Variants in CXADR observed in about 807,000 individuals in gnomAD.
CXADR encodes the protein coxsackievirus and adenovirus receptor.
A neutral mutation model predicts 40.3 loss-of-function variants in CXADR; 20 were observed. That is an observed-to-expected ratio of 0.50 (90% confidence interval 0.35 to 0.72). The LOEUF (loss-of-function observed/expected upper bound fraction) is 0.72, where lower values mean the gene tolerates loss of function less well. Ranked by LOEUF, CXADR falls within the 30% of genes least tolerant of loss-of-function variation. The pLI is 0.01. For synonymous variants in CXADR, 150 were observed against 161.3 expected, an observed-to-expected ratio of 0.93 and a Z score of 0.53; for missense variants, 332 against 449.1, an observed-to-expected ratio of 0.74 and a Z score of 2.36.
chr21:17,595,853 A>C (rs746318712), downstream of CXADR, among the ~76,000 whole-genome samples: 2 of 152,060 alleles, frequency 1.3e-5, no homozygotes, highest in Non-Finnish European at 2.9e-5. Flanking sequence ...TTAACGTTAA[A>C]AAGTTCCAGT....
intron 1 of CXADR, among the ~76,000 whole-genome samples, chr21:17,546,392 TAAAGA>T (rs1157614079): frequency 6.6e-6 from 1 of 152,146 alleles, no homozygotes; most frequent in African/African-American, 2.4e-5. Flanking sequence ...GGGTAATTTA[TAAAGA>T]AAAGAGGTTT....
the CXADR span, among the ~76,000 whole-genome samples, chr21:17,619,012 TA>T: frequency 2.0e-5 from 3 of 152,056 alleles, no homozygotes; most frequent in East Asian, 3.9e-4. Context: ...TTAAGAGGAA[TA>T]TTTTTTTCTG....
rs73324066 is a variant in CXADR, at chr21:17,520,041, C to A, written c.43+6869C>A. ...TATATATATAAAATATATATTTGCACCTCAACCCACCTCTGCTTTGGATCC... is the reference window on the plus strand; with the variant it reads ...TATATATATAAAATATATATTTGCAACTCAACCCACCTCTGCTTTGGATCC... On this transcript the variant is annotated intron_variant, in intron 1 of 6. Coordinates refer to ENST00000284878, the MANE Select transcript of CXADR (RefSeq NM_001338.5). Among the ~76,000 whole-genome samples, 516 of 152,026 alleles carry A rather than the reference C, an allele frequency of 3.4e-3. 4 individuals carry two copies. The highest frequency in any genetic ancestry group is 0.012 in the African/African-American group (498 of 41,464).
At chr21:17,636,148 A>G in the CXADR span, among the ~76,000 whole-genome samples, 15 of 152,202 alleles carry the variant, frequency 9.9e-5, no homozygotes, top group African/African-American at 3.6e-4. Flanking sequence ...GTACCCTGCC[A>G]CTGAACTAAA....
At chr21:17,552,240 C>T (rs945757017) in intron 3 of CXADR, among the ~76,000 whole-genome samples, 14 of 152,106 alleles carry the variant, frequency 9.2e-5, no homozygotes, top group South Asian at 6.2e-4. Context: ...GTTAGGAGAT[C>T]TAGGGTTTTT....
the CXADR span, among the ~76,000 whole-genome samples, chr21:17,636,260 G>A: frequency 6.6e-6 from 1 of 152,084 alleles, no homozygotes; most frequent in African/African-American, 2.4e-5. Flanking sequence ...TCCCTTTCCA[G>A]TCTATTTGCT....
intron 7 of CXADR, among the ~76,000 whole-genome samples, chr21:17,578,709 G>T (rs1262861028): frequency 1.3e-5 from 2 of 152,122 alleles, no homozygotes; most frequent in Non-Finnish European, 2.9e-5. Context: ...CGTGCCTGTT[G>T]TCCCAGCTAC....
At chr21:17,534,096 ATATATTTT>A (rs2060719355) in intron 1 of CXADR, among the ~76,000 whole-genome samples, 3 of 91,924 alleles carry the variant, frequency 3.3e-5, no homozygotes. Flanking sequence ...ATATATATAT[ATATATTTT>A]TTTTTTTTTT....
intron 1 of CXADR, among the ~76,000 whole-genome samples, chr21:17,515,774 C>T (rs1186572151): frequency 6.6e-6 from 1 of 152,196 alleles, no homozygotes; most frequent in East Asian, 1.9e-4. Context: ...CCACTGCATT[C>T]CAGCCTGGGC....
rs1165118448 is a variant in CXADR, at chr21:17,565,798, AAAT to A, written c.*109_*111del. On this transcript the variant is annotated 3_prime_UTR_variant, in exon 7 of 7. Coordinates refer to ENST00000284878, the MANE Select transcript of CXADR (RefSeq NM_001338.5). The stretch of plus-strand genomic sequence containing the variant: ...GTTACTAGCCTCAAAATACATCAAA[AAAT>A]AAGTTAATCAGGAACTGTACGGAAT... 6.8e-7 allele frequency: 1 copy of A among 1,467,552 alleles called. No individual in the cohort carries two copies. The highest frequency in any genetic ancestry group is 2.4e-5 in the East Asian group (1 of 42,332). The allele number at this position is 1,467,552 out of a possible 1,614,324, so 90.9% of individuals were successfully genotyped here. A position where few individuals can be genotyped will look rare whatever the true frequency, so the allele number is the denominator to read the frequency against.
intron 3 of CXADR, among the ~76,000 whole-genome samples, chr21:17,552,790 T>TA (rs2060985996): frequency 6.6e-6 from 1 of 152,174 alleles, no homozygotes; most frequent in African/African-American, 2.4e-5. Context: ...TAGAATTGTC[T>TA]AGCATGACTG....
At chr21:17,594,084 A>G (rs1257409622), downstream of CXADR, 6 of 1,611,374 alleles carry the variant, frequency 3.7e-6, no homozygotes, top group Admixed American at 6.7e-5. Flanking sequence ...AACACAATCA[A>G]AAACGAAGTT....
chr21:17,517,660 T>C (rs1345464054), intron 1 of CXADR, among the ~76,000 whole-genome samples: 1 of 151,930 alleles, frequency 6.6e-6, no homozygotes, highest in Non-Finnish European at 1.5e-5. Flanking sequence ...TACCAAACTG[T>C]AAAATCGGGG....
At chr21:17,561,212 A>G (rs957615152) in intron 5 of CXADR, 126 bp from the exon 6 acceptor site, 24 of 593,770 alleles carry the variant, frequency 4.0e-5, no homozygotes, top group Non-Finnish European at 5.4e-5. Context: ...CCCGGATCAA[A>G]AAGACTAAAT....
intron 7 of CXADR, among the ~76,000 whole-genome samples, chr21:17,586,298 T>C (rs1267570413): frequency 2.0e-5 from 3 of 151,084 alleles, no homozygotes; most frequent in South Asian, 2.1e-4. Flanking sequence ...TTTGTGAAAA[T>C]TTAAAATTTT....
chr21:17,570,332 G>T (rs1220174386), downstream of CXADR, among the ~76,000 whole-genome samples: 1 of 151,988 alleles, frequency 6.6e-6, no homozygotes. Context: ...ATACTATTTG[G>T]GGTTGAAACC....
At chr21:17,527,915 C>G (rs987663651) in intron 1 of CXADR, among the ~76,000 whole-genome samples, 9 of 151,804 alleles carry the variant, frequency 5.9e-5, no homozygotes, top group Non-Finnish European at 5.9e-5. Context: ...ACATTCACCC[C>G]CTGCCCCAGC....
chr21:17,592,974 A>G (rs1423491930), intron 7 of CXADR, among the ~76,000 whole-genome samples: 2 of 151,712 alleles, frequency 1.3e-5, no homozygotes, highest in African/African-American at 4.8e-5. Context: ...TGGAATAGCC[A>G]TGGCCATTCA....
At chr21:17,533,596 G>T (rs1293739902) in intron 1 of CXADR, among the ~76,000 whole-genome samples, 1 of 152,114 alleles carries the variant, frequency 6.6e-6, no homozygotes, top group African/African-American at 2.4e-5. Context: ...CATAATATTA[G>T]TACCTTTTTC....
Sources: gnomAD v4.1 joint callset for allele counts (sites outside exome capture counted in the v4.1 genomes callset) on GRCh38, gnomAD v4.1.1 for gene constraint, MANE v1.5 for transcripts, NCBI Gene and HGNC (gene_info 2026-07-23, HGNC 2026-07-21) for gene names.